The following IL6 variants were observed in gnomAD, a reference collection of about 807,000 sequenced individuals.
IL6 encodes the protein interleukin-6.
A neutral mutation model predicts 18.0 loss-of-function variants in IL6; 5 were observed. That is an observed-to-expected ratio of 0.28 (90% CI 0.15 to 0.58). The LOEUF is 0.58. IL6 is among the 20% of genes least tolerant of loss of function. IL6 has a pLI of 0.90. For missense variants in IL6, 266 were observed against 251.0 expected (o/e 1.06, Z -0.40); for synonymous variants, 97 against 95.1 (o/e 1.02, Z -0.12).
rs1167169262 is a variant in IL6, at chr7:22,731,590, T to G, written c.*17T>G. ...CAAATGTAGCATGGGCACCTCAGAT[T>G]GTTGTTGTTAATGGGCATTCCTTCT... On this transcript the variant is annotated 3_prime_UTR_variant, in exon 5 of 5. Transcript: ENST00000258743. The G allele has an allele frequency of 6.4e-7, 1 of 1,559,772 alleles. No individual in the cohort carries two copies. Among genetic ancestry groups the G allele is most frequent in the East Asian group, 2.3e-5 (1 of 43,784 alleles).
intron 4 of IL6, 69 bp downstream of exon 4, chr7:22,729,729 C>G (rs765699232): frequency 1.2e-6 from 2 of 1,611,276 alleles, no homozygotes; most frequent in South Asian, 2.2e-5. Context: ...TCCTGGACAA[C>G]TCAGGGATGC....
chr7:22,729,949 G>C (rs897407192), intron 4 of IL6: 6 of 1,357,246 alleles, frequency 4.4e-6, no homozygotes, highest in East Asian at 2.6e-5. Flanking sequence ...CCAAAGGCGG[G>C]GGGGCGGGCA....
rs202138427 is a variant in IL6, at chr7:22,727,587, A to G, written c.163A>G (p.Lys55Glu). Residue 55 changes from lysine to glutamate, a missense_variant, in exon 2 of 5, where the codon AAA becomes GAA. Lys to Glu is a moderately conservative substitution (Grantham distance 56). Coordinates refer to ENST00000258743, the MANE Select transcript of IL6 (RefSeq NM_000600.5). ...QPLTSSERIDKQIRYILDGIS... is the reference protein window; with the variant it reads ...QPLTSSERIDEQIRYILDGIS... ...ACTCACCTCTTCAGAACGAATTGACAAACAAATTCGGTACATCCTCGACGG... is the reference window on the plus strand; with the variant it reads ...ACTCACCTCTTCAGAACGAATTGACGAACAAATTCGGTACATCCTCGACGG... The G allele has an allele frequency of 4.4e-6, 7 of 1,585,118 alleles. No individual in the cohort carries two copies. The East Asian group carries it at 9.0e-5, about 20-fold the overall frequency.
intron 4 of IL6, among the ~76,000 whole-genome samples, chr7:22,731,041 G>A (rs1243541677): frequency 6.6e-6 from 1 of 151,976 alleles, no homozygotes; most frequent in Admixed American, 6.6e-5. Context: ...TTTAAGACCA[G>A]CCTGGTCAAC....
rs1185630474 is a variant in IL6, at chr7:22,731,675, A to C, written c.*102A>C. On this transcript the variant is annotated 3_prime_UTR_variant, in exon 5 of 5. Transcript: ENST00000258743. ...TATGTTGTTCTCTATGGAGAACTAA[A>C]AGTATGAGCGTTAGGACACTATTTT... The C allele has an allele frequency of 2.9e-6, 2 of 680,952 alleles. No individual in the cohort carries two copies. Among genetic ancestry groups the C allele is most frequent in the Non-Finnish European group, 4.3e-6 (2 of 463,270 alleles). The allele number at this position is 680,952 out of a possible 1,614,324, so 42.2% of individuals were successfully genotyped here.
Position 22,728,681 on chromosome 7 carries a change from A to T in IL6, c.211-12A>T, listed in dbSNP as rs1583433279. 6.6e-7 allele frequency: 1 copy of T among 1,513,178 alleles called. No homozygotes were observed. Among genetic ancestry groups the T allele is most frequent in the East Asian group, 2.3e-5 (1 of 44,286 alleles). 93.7% of individuals were successfully genotyped at this position (1,513,178 alleles called of 1,614,324 possible). ...ACACTTAGGTGATAACAATTCTGGT[A>T]TTCTTTCCCAGACATGTAACAAGAG... On this transcript the variant is annotated splice_polypyrimidine_tract_variant and intron_variant, in intron 2 of 4. Coordinates refer to ENST00000258743, the MANE Select transcript of IL6 (RefSeq NM_000600.5).
chr7:22,729,541 G>C lies in IL6; in HGVS notation c.352G>C (p.Gly118Arg), dbSNP rs2128174625. The C allele has an allele frequency of 6.2e-7, 1 of 1,613,944 alleles. No homozygotes were observed. The highest frequency in any genetic ancestry group is 8.5e-7 in the Non-Finnish European group (1 of 1,179,898). The change falls in exon 4 of 5, where the codon GGT (glycine) becomes CGT (arginine). Residue 118 changes from glycine (G) to arginine (R), a missense_variant. Coordinates refer to ENST00000258743, the MANE Select transcript of IL6 (RefSeq NM_000600.5). ...GACTTGCCTGGTGAAAATCATCACTGGTCTTTTGGAGTTTGAGGTATACCT... is the reference window on the plus strand; with the variant it reads ...GACTTGCCTGGTGAAAATCATCACTCGTCTTTTGGAGTTTGAGGTATACCT... ...EETCLVKIIT[G>R]LLEFEVYLEY... is the part of the protein sequence containing the mutation.
At chr7:22,730,907 G>C (rs1349396232) in intron 4 of IL6, among the ~76,000 whole-genome samples, 3 of 152,000 alleles carry the variant, frequency 2.0e-5, no homozygotes. Context: ...GGATGCTTGT[G>C]GTCTAATGGG....
chr7:22,728,286 G>A (rs562671341), intron 2 of IL6, among the ~76,000 whole-genome samples: 4 of 152,262 alleles, frequency 2.6e-5, no homozygotes, highest in African/African-American at 9.6e-5. Context: ...CAGTAAAATT[G>A]GGCGTGGACT....
intron 4 of IL6, among the ~76,000 whole-genome samples, chr7:22,730,882 GTGGTGCTT>G (rs1353334687): frequency 1.3e-5 from 2 of 152,038 alleles, no homozygotes; most frequent in Non-Finnish European, 2.9e-5. Flanking sequence ...AAAAATGATA[GTGGTGCTT>G]CCCTCAGGAT....
chr7:22,729,960 G>A, intron 4 of IL6: 1 of 1,357,070 alleles, frequency 7.4e-7, no homozygotes, highest in Non-Finnish European at 9.5e-7. Flanking sequence ...GGGGCGGGCA[G>A]AAAAAAGTGC....
intron 4 of IL6, chr7:22,730,448 G>A (rs1784105070): frequency 1.0e-5 from 2 of 196,748 alleles, no homozygotes; most frequent in African/African-American, 2.4e-5. Flanking sequence ...GACCACACTT[G>A]GAGGTTTAAG....
chr7:22,729,865 TA>T, intron 4 of IL6: 1 of 1,468,654 alleles, frequency 6.8e-7, no homozygotes, highest in Non-Finnish European at 9.0e-7. Context: ...AGGACATCAA[TA>T]ACTGTATTTT....
rs1784121576 is a variant in IL6, at chr7:22,731,405, G to C, written c.472-1G>C. 1.3e-6 allele frequency: 2 copies of C among 1,563,400 alleles called. No homozygotes were observed. Among genetic ancestry groups the C allele is most frequent in the Admixed American group, 1.8e-5 (1 of 54,148 alleles). On this transcript the variant is annotated splice_acceptor_variant, in intron 4 of 4. Coordinates refer to ENST00000258743, the MANE Select transcript of IL6 (RefSeq NM_000600.5). LOFTEE classifies it high-confidence loss of function. ...TCCTTTTTACTTTCATTTTCCTTCAGGCAAAGAATCTAGATGCAATAACCA... is the reference window on the plus strand; with the variant it reads ...TCCTTTTTACTTTCATTTTCCTTCACGCAAAGAATCTAGATGCAATAACCA...
intron 3 of IL6, 119 bp from the exon 4 acceptor site, chr7:22,729,395 G>A (rs1414621479): frequency 1.1e-6 from 1 of 876,836 alleles, no homozygotes; most frequent in Middle Eastern, 3.6e-4. Flanking sequence ...CTGCCTAAGA[G>A]GTACTTGAAG....
intron 4 of IL6, 138 bp from the exon 5 acceptor site, chr7:22,731,268 C>T: frequency 7.0e-6 from 4 of 571,174 alleles, no homozygotes. Context: ...AAGGGTCCTA[C>T]TCAGAGCAGG....
intron 4 of IL6, 121 bp downstream of exon 4, chr7:22,729,781 G>T: frequency 6.4e-7 from 1 of 1,564,428 alleles, no homozygotes; most frequent in Non-Finnish European, 8.7e-7. Context: ...AAACAAAAGA[G>T]TCTGAGAAAT....
At position 22,731,702 on chromosome 7, in the gene IL6, A is replaced by G. The variant is rs1214414966; in HGVS notation, c.*129A>G. 6.8e-6 allele frequency: 3 copies of G among 440,952 alleles called. No homozygotes were observed. The highest frequency in any genetic ancestry group is 1.1e-5 in the Non-Finnish European group (3 of 267,962). 27.3% of individuals were successfully genotyped at this position (440,952 alleles called of 1,614,324 possible). A position where few individuals can be genotyped will look rare whatever the true frequency, so the allele number is the denominator to read the frequency against. The stretch of plus-strand genomic sequence containing the variant: ...GTATGAGCGTTAGGACACTATTTTA[A>G]TTATTTTTAATTTATTAATATTTAA... On this transcript the variant is annotated 3_prime_UTR_variant, in exon 5 of 5. Transcript: ENST00000258743.
Position 22,729,586 on chromosome 7 carries a change from T to C in IL6, c.397T>C (p.Phe133Leu). Reference protein sequence around the residue: ...EVYLEYLQNRFESSEEQARAV... With the variant: ...EVYLEYLQNRLESSEEQARAV... ...ATACCTAGAGTACCTCCAGAACAGA[T>C]TTGAGAGTAGTGAGGAACAAGCCAG... The change falls in exon 4 of 5, where the codon TTT becomes CTT. Residue 133 changes from phenylalanine (F) to leucine (L), a missense_variant. Coordinates refer to ENST00000258743, the MANE Select transcript of IL6 (RefSeq NM_000600.5). 1 of 1,614,180 alleles carries C rather than the reference T, an allele frequency of 6.2e-7. No individual in the cohort carries two copies.
Sources: allele counts gnomAD v4.1 joint callset (sites outside exome capture counted in the v4.1 genomes callset), GRCh38; gene constraint gnomAD v4.1.1; transcripts MANE v1.5; gene names NCBI Gene and HGNC (gene_info 2026-07-23, HGNC 2026-07-21).